Variants in PDE4A observed in about 807,000 individuals in gnomAD.
PDE4A encodes phosphodiesterase 4A, also known as 3',5'-cyclic-AMP phosphodiesterase 4A.
Under a neutral mutation model 73.9 loss-of-function variants are expected in PDE4A, and 21 were observed. That is an observed-to-expected ratio of 0.28 (90% confidence interval 0.20 to 0.41). PDE4A has a LOEUF of 0.41. PDE4A is among the 10% of genes least tolerant of loss of function. The pLI, the probability that PDE4A is intolerant of heterozygous loss-of-function variation, is 1.00. For synonymous variants in PDE4A, 463 were observed against 505.4 expected, an observed-to-expected ratio of 0.92 and a Z score of 1.13; for missense variants, 958 against 1,211.4, an observed-to-expected ratio of 0.79 and a Z score of 3.10.
At chr19:10,459,826 T>C in intron 10 of PDE4A, 67 bp downstream of exon 10, 1 of 1,517,734 alleles carries the variant, frequency 6.6e-7, no homozygotes, top group Non-Finnish European at 8.9e-7. Flanking sequence ...GCCTCCTGTG[T>C]GTCTCTCTGA....
At chr19:10,420,316 A>G (rs535280314), upstream of PDE4A, 161 of 917,502 alleles carry the variant, frequency 1.8e-4, no homozygotes, top group African/African-American at 2.8e-3. This position sits in a 1 kb window ranked among gnomAD's most constrained non-coding sequence, Gnocchi z 6.0. Context: ...GGGTGCTTTG[A>G]AGACAGACGA....
chr19:10,420,815 C>A lies in PDE4A; in HGVS notation c.51C>A (p.Pro17=). Residue 17 remains proline (P), a synonymous_variant, in exon 1 of 15, where the codon CCC becomes CCA. Coordinates refer to ENST00000380702, the MANE Select transcript of PDE4A (RefSeq NM_001111307.2). The surrounding 1 kb of genome is among the most constrained non-coding windows in gnomAD (Gnocchi z 6.0). ...AAAGGAGCCTGTCTCTGTCACTGCC[C>A]GGGCCCCGGGAGGGCCAGGCCACCC... is the stretch of plus-strand genomic sequence containing the variant. ...PSERSLSLSL[P]GPREGQATLK... 6.3e-7 allele frequency: 1 copy of A among 1,587,422 alleles called. No individual in the cohort carries two copies. The highest frequency in any genetic ancestry group is 2.3e-5 in the East Asian group (1 of 42,962).
chr19:10,469,596 G>A lies in PDE4A; in HGVS notation c.*1975G>A, dbSNP rs201665505. ...TCGGTCCGTTGATCAATAATCCTTC[G>A]ATCTTGTCTCCAATTAAACCGAGGC... On this transcript the variant is annotated 3_prime_UTR_variant, in exon 15 of 15. Coordinates refer to ENST00000380702, the MANE Select transcript of PDE4A (RefSeq NM_001111307.2). 6.6e-6 allele frequency: 1 copy of A among 152,320 alleles called. No homozygotes were observed. The highest frequency in any genetic ancestry group is 1.5e-5 in the Non-Finnish European group (1 of 68,086). 9.4% of individuals were successfully genotyped at this position (152,320 alleles called of 1,614,324 possible).
chr19:10,416,981 C>A (rs2042594235), upstream of PDE4A: 2 of 1,541,290 alleles, frequency 1.3e-6, no homozygotes, highest in Non-Finnish European at 1.7e-6. Context: ...TGGCAGGGAC[C>A]GGGGACGAGG....
intron 1 of PDE4A, chr19:10,432,544 G>A: frequency 1.3e-6 from 2 of 1,524,112 alleles, no homozygotes; most frequent in Non-Finnish European, 1.8e-6. Flanking sequence ...GAGGACACCC[G>A]TCGGCACCCT....
intron 6 of PDE4A, 154 bp from the exon 7 acceptor site, chr19:10,454,675 C>T (rs758841282): frequency 2.2e-6 from 2 of 899,764 alleles, no homozygotes; most frequent in African/African-American, 1.8e-5. Context: ...AAAGGCTGAC[C>T]CCAACCCCCC....
Position 10,461,677 on chromosome 19 carries a change from C to T in PDE4A, c.1617C>T (p.Asp539=), listed in dbSNP as rs764576045. The T allele has an allele frequency of 7.8e-7, 1 of 1,281,682 alleles. No individual in the cohort carries two copies. The highest frequency in any genetic ancestry group is 1.1e-6 in the Non-Finnish European group (1 of 921,734). The allele number at this position is 1,281,682 out of a possible 1,614,324, so 79.4% of individuals were successfully genotyped here. ...AGAGCCTACGCAAGATGGTCATCGA[C>T]ATGGTGGGCGGGGCTGGGGCGGGAC... is the stretch of plus-strand genomic sequence containing the variant. ...QRQSLRKMVI[D]MVLATDMSKH... Residue 539 remains aspartate, a synonymous_variant, in exon 12 of 15, where the codon GAC becomes GAT. Transcript: ENST00000380702.
intron 1 of PDE4A, among the ~76,000 whole-genome samples, chr19:10,429,874 C>A (rs1427359797): frequency 1.3e-5 from 2 of 152,042 alleles, no homozygotes; most frequent in Admixed American, 6.6e-5. Context: ...CCGAGGTTGT[C>A]TTGGGGTCTC....
chr19:10,437,125 G>A (rs957134427), intron 1 of PDE4A, among the ~76,000 whole-genome samples: 5 of 152,082 alleles, frequency 3.3e-5, no homozygotes, highest in African/African-American at 1.2e-4. Flanking sequence ...AGAACCTTAA[G>A]AGTGGCTTTT....
intron 8 of PDE4A, chr19:10,459,045 T>G (rs1411256987): frequency 1.2e-5 from 3 of 243,688 alleles, no homozygotes; most frequent in Non-Finnish European, 2.2e-5. Context: ...GGCTGAGCTG[T>G]GCTGGGGCCA....
intron 1 of PDE4A, among the ~76,000 whole-genome samples, chr19:10,435,995 C>T (rs1348248438): frequency 1.3e-5 from 2 of 152,188 alleles, no homozygotes; most frequent in African/African-American, 4.8e-5. Context: ...TCTTCCCATC[C>T]AGGCCTCTGG....
rs765358158 is a variant in PDE4A at position 10,421,101 on chromosome 19, C to T, written c.320+17C>T. 3.7e-6 allele frequency: 5 copies of T among 1,360,746 alleles called. No homozygotes were observed. Among genetic ancestry groups the T allele is most frequent in the Non-Finnish European group, 4.7e-6 (5 of 1,064,658 alleles). The allele number at this position is 1,360,746 out of a possible 1,614,324, so 84.3% of individuals were successfully genotyped here. On this transcript the variant is annotated intron_variant, in intron 1 of 14. Transcript: ENST00000380702. Reference sequence around the variant, plus strand: ...CAGCAGGCGGTAAGACTCCCCGCGGCGGATGCGCGCGGAACGGATGGGCGC... The same window carrying T: ...CAGCAGGCGGTAAGACTCCCCGCGGTGGATGCGCGCGGAACGGATGGGCGC...
intron 14 of PDE4A, chr19:10,464,534 A>G (rs2043331486): frequency 6.8e-6 from 3 of 442,400 alleles, no homozygotes; most frequent in Non-Finnish European, 1.4e-5. Context: ...TTCCTGCCTC[A>G]GCCTCCAGAG....
intron 1 of PDE4A, among the ~76,000 whole-genome samples, chr19:10,445,354 T>C (rs1306632357): frequency 6.6e-6 from 1 of 152,184 alleles, no homozygotes; most frequent in Non-Finnish European, 1.5e-5. Flanking sequence ...AATGATCCCA[T>C]AAATTTTGGC....
intron 1 of PDE4A, among the ~76,000 whole-genome samples, chr19:10,429,231 AAG>A (rs755351129): frequency 3.3e-5 from 5 of 151,044 alleles, no homozygotes; most frequent in South Asian, 2.1e-4. Context: ...AAAAGAAAGA[AAG>A]AGAGGGACGG....
Position 10,420,567 on chromosome 19 carries a change from A to G in PDE4A, c.-198A>G. 1 of 1,240,726 alleles carries G rather than the reference A, an allele frequency of 8.1e-7. No individual in the cohort carries two copies. Among genetic ancestry groups the G allele is most frequent in the Admixed American group, 4.4e-5 (1 of 22,798 alleles). The allele number at this position is 1,240,726 out of a possible 1,614,324, so 76.9% of individuals were successfully genotyped here. On this transcript the variant is annotated 5_prime_UTR_variant, in exon 1 of 15. Transcript: ENST00000380702. The surrounding 1 kb of genome is among the most constrained non-coding windows in gnomAD (Gnocchi z 6.0). ...GCCGCCGGGCACTGAGCAGAGCTCCAGGCGCCGAAAGGAAGCTGCAGAGCC... is the reference window on the plus strand; with the variant it reads ...GCCGCCGGGCACTGAGCAGAGCTCCGGGCGCCGAAAGGAAGCTGCAGAGCC...
chr19:10,456,361 A>G (rs1173573984), intron 7 of PDE4A, among the ~76,000 whole-genome samples: 3 of 152,040 alleles, frequency 2.0e-5, no homozygotes, highest in Non-Finnish European at 2.9e-5. Flanking sequence ...CGCCATCTCT[A>G]CTAAAAATAC....
At chr19:10,457,178 G>A (rs11672021) in intron 7 of PDE4A, among the ~76,000 whole-genome samples, 35,870 of 151,910 alleles carry the variant, frequency 0.24, 4,705 homozygotes, top group East Asian at 0.47. Context: ...CAGCCTGGGC[G>A]ACAGAGCGAG....
At position 10,453,045 on chromosome 19, in the gene PDE4A, C is replaced by T. The variant is rs200501905; in HGVS notation, c.784-1784C>T. ...CTCCACCCACTGCCGCGGGGGGGCC[C>T]GTTGGGGCCCAGGGCTGGCGGGCCA... On this transcript the variant is annotated intron_variant, in intron 6 of 14. Coordinates refer to ENST00000380702, the MANE Select transcript of PDE4A (RefSeq NM_001111307.2). This position sits in a 1 kb window ranked among gnomAD's most constrained non-coding sequence, Gnocchi z 4.6. 313 of 1,343,184 alleles carry T rather than the reference C, an allele frequency of 2.3e-4. No homozygotes were observed. The highest frequency in any genetic ancestry group is 2.8e-4 in the Non-Finnish European group (297 of 1,049,218). The allele number at this position is 1,343,184 out of a possible 1,614,324, so 83.2% of individuals were successfully genotyped here. A position where few individuals can be genotyped will look rare whatever the true frequency, so the allele number is the denominator to read the frequency against.
Sources: gnomAD v4.1 joint callset for allele counts (sites outside exome capture counted in the v4.1 genomes callset) on GRCh38, gnomAD v4.1.1 for gene constraint, Gnocchi (gnomAD v3.1) non-coding constraint, MANE v1.5 for transcripts, NCBI Gene and HGNC (gene_info 2026-07-23, HGNC 2026-07-21) for gene names.